AOPEP: variants seen among roughly 807,000 people sequenced by gnomAD.
The protein encoded by AOPEP is aminopeptidase O (putative).
AOPEP carries 77 observed loss-of-function variants against 98.1 expected under a neutral mutation model. The observed-to-expected ratio is 0.78, with a 90% CI of 0.65 to 0.95. The LOEUF (loss-of-function observed/expected upper bound fraction) is 0.95, where lower values mean the gene tolerates loss of function less well. Ranked by LOEUF, AOPEP falls within the 40% of genes least tolerant of loss-of-function variation. The probability of loss-of-function intolerance (pLI) is 0.00; values close to 1 mark genes in which losing one functional copy is unlikely to be tolerated. For missense variants in AOPEP, 1,024 were observed against 1,024.7 expected (o/e 1.00, Z 0.01); for synonymous variants, 346 against 365.3 (o/e 0.95, Z 0.60).
chr9:94,909,643 C>T (rs1254380768), intron 5 of AOPEP, among the ~76,000 whole-genome samples: 1 of 152,140 alleles, frequency 6.6e-6, no homozygotes, highest in Non-Finnish European at 1.5e-5. Flanking sequence ...TGTGTGACGT[C>T]CATCTCAAAA....
chr9:95,101,357 TAAATAATAGATG>T, the AOPEP span: 5 of 390,224 alleles, frequency 1.3e-5, no homozygotes, highest in Non-Finnish European at 1.9e-5. Context: ...TTTGAATTTT[TAAATAATAGATG>T]TGCAGCTTGA....
chr9:94,755,501 T>C (rs1175519655), intron 1 of AOPEP, among the ~76,000 whole-genome samples: 1 of 152,240 alleles, frequency 6.6e-6, no homozygotes, highest in African/African-American at 2.4e-5. Context: ...AATAGACTTA[T>C]ATATAATTTA....
At chr9:94,731,889 A>G (rs957042850) in intron 1 of AOPEP, among the ~76,000 whole-genome samples, 11 of 147,572 alleles carry the variant, frequency 7.5e-5, no homozygotes, top group Non-Finnish European at 1.6e-4. Flanking sequence ...GGTTCTAGCA[A>G]TTCTCCTGCC....
chr9:94,813,678 C>T (rs1410926670), intron 5 of AOPEP, among the ~76,000 whole-genome samples: 1 of 152,214 alleles, frequency 6.6e-6, no homozygotes, highest in Non-Finnish European at 1.5e-5. Context: ...CAGGTGCTGA[C>T]AGTGGATCAG....
chr9:95,086,502 G>T (rs1564625127), intron 16 of AOPEP, 180 bp from the exon 17 acceptor site: 2 of 985,282 alleles, frequency 2.0e-6, no homozygotes, highest in Admixed American at 6.1e-5. Context: ...GTGTGAGCAG[G>T]CCAGCGTCAC....
At chr9:94,874,019 A>G (rs2046638898) in intron 5 of AOPEP, among the ~76,000 whole-genome samples, 2 of 152,320 alleles carry the variant, frequency 1.3e-5, no homozygotes, top group South Asian at 4.1e-4. Context: ...ATGATAGGAA[A>G]CATGTAAAGT....
intron 5 of AOPEP, among the ~76,000 whole-genome samples, chr9:94,848,708 C>T (rs1029512270): frequency 1.1e-4 from 16 of 152,060 alleles, no homozygotes; most frequent in Non-Finnish European, 2.1e-4. Flanking sequence ...AACTGCTGCA[C>T]TTCCTCTCCT....
At chr9:94,960,489 T>A (rs916796933) in intron 9 of AOPEP, among the ~76,000 whole-genome samples, 8 of 152,130 alleles carry the variant, frequency 5.3e-5, no homozygotes, top group Admixed American at 1.3e-4. Flanking sequence ...TTTTTCTTAA[T>A]TATTATTTTT....
intron 5 of AOPEP, among the ~76,000 whole-genome samples, chr9:94,834,415 C>T (rs1564219137): frequency 6.6e-6 from 1 of 152,154 alleles, no homozygotes; most frequent in Admixed American, 6.5e-5. Context: ...AGAAGTTGAA[C>T]ACTGACTGGA....
intron 5 of AOPEP, among the ~76,000 whole-genome samples, chr9:94,828,115 G>T (rs1011816854): frequency 1.3e-5 from 2 of 152,152 alleles, no homozygotes; most frequent in African/African-American, 4.8e-5. Flanking sequence ...TATAGGAGGC[G>T]TGGAGGAGAA....
chr9:94,888,925 A>G (rs1462893894), intron 5 of AOPEP, among the ~76,000 whole-genome samples: 1 of 152,122 alleles, frequency 6.6e-6, no homozygotes, highest in East Asian at 1.9e-4. Flanking sequence ...CACCACATGT[A>G]ACCACCACCA....
chr9:94,849,030 C>T (rs1564252134), intron 5 of AOPEP, among the ~76,000 whole-genome samples: 2 of 152,334 alleles, frequency 1.3e-5, no homozygotes, highest in South Asian at 2.1e-4. Flanking sequence ...CCACTCGCCT[C>T]GGCCTCCCAA....
At chr9:94,763,590 A>G (rs1838872532) in intron 2 of AOPEP, among the ~76,000 whole-genome samples, 1 of 152,116 alleles carries the variant, frequency 6.6e-6, no homozygotes, top group Non-Finnish European at 1.5e-5. Context: ...TTCTGATACC[A>G]TTTTCCAATG....
At chr9:95,117,754 G>C in the AOPEP span, among the ~76,000 whole-genome samples, 7 of 115,716 alleles carry the variant, frequency 6.0e-5, no homozygotes, top group South Asian at 2.6e-4. Flanking sequence ...ACGGAGTTTT[G>C]CTCTTGCTGC....
At chr9:95,121,053 C>T in the AOPEP span, among the ~76,000 whole-genome samples, 1 of 152,146 alleles carries the variant, frequency 6.6e-6, no homozygotes, top group Non-Finnish European at 1.5e-5. Flanking sequence ...CTGATGGCCT[C>T]CAGTTTCTGT....
At chr9:94,896,622 T>C (rs568349300) in intron 5 of AOPEP, among the ~76,000 whole-genome samples, 1 of 152,348 alleles carries the variant, frequency 6.6e-6, no homozygotes, top group South Asian at 2.1e-4. Flanking sequence ...CCTAAAAACC[T>C]ATAACCCATG....
intron 11 of AOPEP, among the ~76,000 whole-genome samples, chr9:94,985,497 T>C (rs527766648): frequency 2.5e-4 from 38 of 152,318 alleles, no homozygotes; most frequent in African/African-American, 8.9e-4. Context: ...AGACTTCTTA[T>C]AGCACATATT....
At chr9:94,819,738 ATTT>A (rs542836043) in intron 5 of AOPEP, among the ~76,000 whole-genome samples, 1 of 143,500 alleles carries the variant, frequency 7.0e-6, no homozygotes. Context: ...GCCTGGCTAA[ATTT>A]TTTTTTTTTT....
chr9:94,888,241 C>G (rs1020262131), intron 5 of AOPEP, among the ~76,000 whole-genome samples: 1 of 150,852 alleles, frequency 6.6e-6, no homozygotes, highest in Non-Finnish European at 1.5e-5. Context: ...ATAGTGACCT[C>G]AAGTGATGTG....
Sources: gnomAD v4.1 joint callset for allele counts (sites outside exome capture counted in the v4.1 genomes callset) on GRCh38, gnomAD v4.1.1 for gene constraint, MANE v1.5 for transcripts, NCBI Gene and HGNC (gene_info 2026-07-23, HGNC 2026-07-21) for gene names.